Variants in NRXN3 observed in about 807,000 individuals in gnomAD.
NRXN3 encodes neurexin III.
In NRXN3, 32 loss-of-function variants were observed where a neutral mutation model predicts 137.6. The ratio of observed to expected loss-of-function variants is 0.23; its 90% CI spans 0.18 to 0.31. The LOEUF (loss-of-function observed/expected upper bound fraction) is 0.31. NRXN3 is among the 10% of genes least tolerant of loss of function. The pLI is 1.00. For missense variants in NRXN3, 1,574 were observed against 2,062.5 expected (o/e 0.76, Z 4.59); for synonymous variants, 798 against 784.5 (o/e 1.02, Z -0.29).
chr14:78,482,649 T>C (rs951266460), intron 4 of NRXN3, among the ~76,000 whole-genome samples: 3 of 152,190 alleles, frequency 2.0e-5, no homozygotes, highest in Non-Finnish European at 4.4e-5. Flanking sequence ...ACTGATTTGA[T>C]TGGTTATATT....
intron 16 of NRXN3, among the ~76,000 whole-genome samples, chr14:79,595,431 G>A (rs891191052): frequency 6.6e-6 from 1 of 152,122 alleles, no homozygotes; most frequent in Non-Finnish European, 1.5e-5. Context: ...GAACTCTGCT[G>A]TTCAATATAG....
intron 1 of NRXN3, among the ~76,000 whole-genome samples, chr14:78,235,023 T>TATATATATATATATATATAA (rs61371349): frequency 9.1e-5 from 9 of 98,698 alleles, no homozygotes; most frequent in African/African-American, 4.0e-4. Context: ...TATATATATA[T>TATATATATATATATATATAA]GTGTATATAT....
chr14:79,130,799 G>A (rs1255786820), intron 15 of NRXN3, among the ~76,000 whole-genome samples: 17 of 152,044 alleles, frequency 1.1e-4, no homozygotes, highest in Admixed American at 7.9e-4. Context: ...CATTCTCCCC[G>A]TCACTTTCAG....
chr14:79,751,102 G>A (rs1216386356), intron 19 of NRXN3, among the ~76,000 whole-genome samples: 1 of 151,958 alleles, frequency 6.6e-6, no homozygotes, highest in Non-Finnish European at 1.5e-5. Flanking sequence ...TTCCAATTCT[G>A]TGAAGAAAGT....
In NRXN3 at chr14:79,284,368, ATATATATATATATATATG is replaced by A. The variant is rs1200789244; in HGVS notation, c.3263-182849_3263-182832del. Among the ~76,000 whole-genome samples the A allele has an allele frequency of 1.8e-4, 21 of 118,636 alleles. No individual in the cohort carries two copies. In the South Asian group the frequency reaches 4.1e-3, roughly 23 times the overall value. 77.8% of individuals were successfully genotyped at this position (118,636 alleles called of 152,430 possible). On this transcript the variant is annotated intron_variant, in intron 15 of 20. Transcript: ENST00000335750. ...CATATATATATATATATATATATAT[ATATATATATATATATATG>A]TATCTCCAATGTACATCTGCCTAAA...
intron 15 of NRXN3, among the ~76,000 whole-genome samples, chr14:79,210,990 C>G (rs1299201684): frequency 6.6e-6 from 1 of 152,096 alleles, no homozygotes. Context: ...TTACCCAAAT[C>G]TAAAATTCCT....
chr14:78,431,997 T>TA (rs2093898396), intron 4 of NRXN3, among the ~76,000 whole-genome samples: 1 of 152,042 alleles, frequency 6.6e-6, no homozygotes, highest in Admixed American at 6.6e-5. Flanking sequence ...TTAACCGGGG[T>TA]ATTCAGTACT....
intron 15 of NRXN3, among the ~76,000 whole-genome samples, chr14:79,039,107 T>C (rs541699310): frequency 6.6e-6 from 1 of 152,284 alleles, no homozygotes; most frequent in South Asian, 2.1e-4. Context: ...AAAGAACTCT[T>C]CATTCTTAGG....
At chr14:78,647,422 A>C (rs2097698301) in intron 5 of NRXN3, among the ~76,000 whole-genome samples, 2 of 152,210 alleles carry the variant, frequency 1.3e-5, no homozygotes, top group Non-Finnish European at 2.9e-5. Flanking sequence ...GTGGCTAAAT[A>C]TGCAAAGCAC....
chr14:79,427,387 T>C (rs1293759335), intron 15 of NRXN3, among the ~76,000 whole-genome samples: 1 of 152,156 alleles, frequency 6.6e-6, no homozygotes, highest in Non-Finnish European at 1.5e-5. Flanking sequence ...GTGAGTTCCA[T>C]TTTTAAGTTT....
At chr14:78,367,497 T>TA (rs1235971609) in intron 4 of NRXN3, among the ~76,000 whole-genome samples, 1 of 152,174 alleles carries the variant, frequency 6.6e-6, no homozygotes, top group Non-Finnish European at 1.5e-5. Context: ...ATTATATGCT[T>TA]ACAATTCACA....
intron 15 of NRXN3, among the ~76,000 whole-genome samples, chr14:79,102,640 G>A (rs4635270): frequency 0.99 from 150,920 of 152,290 alleles, 74,805 homozygotes; most frequent in Middle Eastern, 1. Context: ...AGAGGAGATC[G>A]GTGAAGGTGT....
At chr14:78,219,676 T>C (rs1284161949) in intron 1 of NRXN3, among the ~76,000 whole-genome samples, 1 of 152,222 alleles carries the variant, frequency 6.6e-6, no homozygotes, top group East Asian at 1.9e-4. Flanking sequence ...TTTTCAAAAA[T>C]GTTATTTGTT....
At chr14:79,803,981 G>GTA (rs143348564) in intron 19 of NRXN3, among the ~76,000 whole-genome samples, 14,985 of 147,116 alleles carry the variant, frequency 0.1, 1,041 homozygotes, top group African/African-American at 0.18. Flanking sequence ...GTATGTATGT[G>GTA]TATATATATA....
At chr14:78,230,413 A>G (rs544916888) in intron 1 of NRXN3, among the ~76,000 whole-genome samples, 1 of 152,152 alleles carries the variant, frequency 6.6e-6, no homozygotes, top group Admixed American at 6.5e-5. Flanking sequence ...GAGGACCTGC[A>G]TCTTTTATTC....
chr14:79,142,902 A>T (rs2058940519), intron 15 of NRXN3, among the ~76,000 whole-genome samples: 1 of 152,236 alleles, frequency 6.6e-6, no homozygotes, highest in Admixed American at 6.5e-5. Flanking sequence ...AGGAGGCAGA[A>T]GATTAACTTG....
At chr14:79,160,955 C>T (rs12436657) in intron 15 of NRXN3, among the ~76,000 whole-genome samples, 5,250 of 151,948 alleles carry the variant, frequency 0.035, 257 homozygotes, top group East Asian at 0.23. Context: ...GTGCTCAGTA[C>T]AACATAGCAG....
chr14:78,655,262 A>G (rs1455253881), intron 6 of NRXN3, among the ~76,000 whole-genome samples: 1 of 152,240 alleles, frequency 6.6e-6, no homozygotes, highest in Non-Finnish European at 1.5e-5. Context: ...ATGTACATAA[A>G]AGTGAAATCA....
At chr14:79,376,403 G>A (rs187685765) in intron 15 of NRXN3, among the ~76,000 whole-genome samples, 6 of 151,762 alleles carry the variant, frequency 4.0e-5, no homozygotes, top group African/African-American at 1.4e-4. Flanking sequence ...TCATTCACAC[G>A]GAAACGTGGA....
Sources: allele counts gnomAD v4.1 joint callset (sites outside exome capture counted in the v4.1 genomes callset), GRCh38; gene constraint gnomAD v4.1.1; transcripts MANE v1.5; gene names NCBI Gene and HGNC (gene_info 2026-07-23, HGNC 2026-07-21).